Variants in KIAA0232 observed in about 807,000 individuals in gnomAD.
KIAA0232 encodes KIAA0232.
KIAA0232 carries 27 observed loss-of-function variants against 122.0 expected under a neutral mutation model. The observed-to-expected ratio is 0.22, with a 90% CI of 0.16 to 0.31. KIAA0232 has a LOEUF of 0.31. Among genes scored for constraint, KIAA0232 ranks in the 10% least tolerant of loss-of-function variants. The pLI, the probability that KIAA0232 is intolerant of heterozygous loss-of-function variation, is 1.00. For missense variants in KIAA0232, 1,551 were observed against 1,634.2 expected, an observed-to-expected ratio of 0.95 and a Z score of 0.88; for synonymous variants, 613 against 587.6, an observed-to-expected ratio of 1.04 and a Z score of -0.63.
chr4:6,797,941 C>T (rs2108905068), intron 1 of KIAA0232, among the ~76,000 whole-genome samples: 1 of 151,846 alleles, frequency 6.6e-6, no homozygotes, highest in African/African-American at 2.4e-5. Flanking sequence ...GCCTGTAGTC[C>T]CAGCTACTTG....
intron 2 of KIAA0232, among the ~76,000 whole-genome samples, chr4:6,821,670 A>G (rs1188847999): frequency 1.5e-5 from 2 of 132,078 alleles, no homozygotes; most frequent in African/African-American, 5.9e-5. Flanking sequence ...ATGTGTATAC[A>G]TATATACATG....
chr4:6,851,723 A>T lies in KIAA0232; in HGVS notation c.370-5441A>T, dbSNP rs930591031. 1.9e-3 allele frequency among the ~76,000 whole-genome samples: 127 copies of T among 65,714 alleles called. 1 individual carries two copies. Among genetic ancestry groups the T allele is most frequent in the South Asian group, 4.3e-3 (8 of 1,840 alleles). 43.1% of individuals were successfully genotyped at this position (65,714 alleles called of 152,430 possible). On this transcript the variant is annotated intron_variant, in intron 4 of 9. Transcript: ENST00000307659. Reference sequence around the variant, plus strand: ...AGAGCAAGATCCTATCTCAAAAATTAAAAAAAAAAAAAAAAAAAAGCGGGG... The same window carrying T: ...AGAGCAAGATCCTATCTCAAAAATTTAAAAAAAAAAAAAAAAAAAGCGGGG...
At chr4:6,829,782 A>G (rs779890902) in intron 3 of KIAA0232, among the ~76,000 whole-genome samples, 32 of 152,264 alleles carry the variant, frequency 2.1e-4, no homozygotes, top group African/African-American at 6.8e-4. Context: ...CAGTAACATT[A>G]TAACTTAAAA....
chr4:6,797,418 TAAG>T (rs1390431713), intron 1 of KIAA0232, among the ~76,000 whole-genome samples: 8 of 152,162 alleles, frequency 5.3e-5, no homozygotes, highest in Admixed American at 2.6e-4. Flanking sequence ...CTAAAAACTT[TAAG>T]AAGGATATGA....
rs1402998235 is a variant in KIAA0232 at position 6,871,766 on chromosome 4, T to C, written c.3910+84T>C. The C allele has an allele frequency of 8.3e-6, 7 of 840,192 alleles. No homozygotes were observed. The African/African-American group carries it at 1.0e-4, about 12-fold the overall frequency. The allele number at this position is 840,192 out of a possible 1,614,324, so 52.0% of individuals were successfully genotyped here. On this transcript the variant is annotated intron_variant, in intron 8 of 9. Coordinates refer to ENST00000307659, the MANE Select transcript of KIAA0232 (RefSeq NM_014743.3). ...TAATTTCTTTTTCTATGAATATCAGTCCAAGAAACATTTACCAAGAGGTTT... is the reference window on the plus strand; with the variant it reads ...TAATTTCTTTTTCTATGAATATCAGCCCAAGAAACATTTACCAAGAGGTTT...
chr4:6,828,695 C>T (rs540330407), intron 3 of KIAA0232, among the ~76,000 whole-genome samples: 1 of 152,286 alleles, frequency 6.6e-6, no homozygotes, highest in East Asian at 1.9e-4. Context: ...GCTGTAGTCT[C>T]CCTACCATAC....
At chr4:6,841,647 G>A (rs1719668528) in intron 3 of KIAA0232, among the ~76,000 whole-genome samples, 1 of 152,140 alleles carries the variant, frequency 6.6e-6, no homozygotes, top group Non-Finnish European at 1.5e-5. Context: ...CATATGACAT[G>A]ATCTTGTTTA....
At chr4:6,873,430 A>G (rs1377205016) in intron 8 of KIAA0232, among the ~76,000 whole-genome samples, 1 of 152,210 alleles carries the variant, frequency 6.6e-6, no homozygotes, top group African/African-American at 2.4e-5. Context: ...CAGTTAATGG[A>G]ATGAAGGTGG....
rs140179759 is a variant in KIAA0232 at position 6,790,242 on chromosome 4, T to C, written c.-354+7401T>C. Among the ~76,000 whole-genome samples the C allele has an allele frequency of 1.8e-3, 267 of 152,262 alleles. 4 individuals carry two copies. Among genetic ancestry groups the C allele is most frequent in the East Asian group, 1.5e-3 (8 of 5,182 alleles). Reference sequence around the variant, plus strand: ...TACCTGTTGCCAGGCTTTCTCCATATCTGTCTCTTCCTCAGTGTTGCCCCT... The same window carrying C: ...TACCTGTTGCCAGGCTTTCTCCATACCTGTCTCTTCCTCAGTGTTGCCCCT... On this transcript the variant is annotated intron_variant, in intron 1 of 9. Transcript: ENST00000307659.
rs1258687859 is a variant in KIAA0232, at chr4:6,861,385, T to G, written c.1003T>G (p.Ser335Ala). ...AGGGCGGAATGGGCAAAGCAGGCTT[T>G]CTTTGAAGCACGGTGAAAAGGCTGA... Reference protein sequence around the residue: ...KKGRNGQSRLSLKHGEKAERN... With the variant: ...KKGRNGQSRLALKHGEKAERN... Residue 335 changes from serine to alanine, a missense_variant, in exon 7 of 10, where the codon TCT becomes GCT. Coordinates refer to ENST00000307659, the MANE Select transcript of KIAA0232 (RefSeq NM_014743.3). The G allele has an allele frequency of 6.2e-7, 1 of 1,614,032 alleles. No homozygotes were observed. Among genetic ancestry groups the G allele is most frequent in the South Asian group, 1.1e-5 (1 of 91,088 alleles).
At chr4:6,853,780 G>C (rs1720421787) in intron 4 of KIAA0232, among the ~76,000 whole-genome samples, 1 of 152,212 alleles carries the variant, frequency 6.6e-6, no homozygotes, top group South Asian at 2.1e-4. Flanking sequence ...AGTTGAGAAG[G>C]ATGGGAAGTA....
At chr4:6,784,381 G>C (rs1244530492) in intron 1 of KIAA0232, among the ~76,000 whole-genome samples, 2 of 149,424 alleles carry the variant, frequency 1.3e-5, no homozygotes, top group Non-Finnish European at 3.0e-5. Context: ...AATAAGACCC[G>C]TTCCAGAACA....
At chr4:6,835,621 C>A (rs533711520) in intron 3 of KIAA0232, among the ~76,000 whole-genome samples, 84 of 152,292 alleles carry the variant, frequency 5.5e-4, no homozygotes, top group African/African-American at 5.5e-4. Context: ...TCCCCCAGCT[C>A]CCCGCCTCCC....
chr4:6,849,836 T>G (rs1280358366), intron 4 of KIAA0232, among the ~76,000 whole-genome samples: 1 of 151,998 alleles, frequency 6.6e-6, no homozygotes, highest in African/African-American at 2.4e-5. Flanking sequence ...CTTTGTGGTA[T>G]GAATAAGGAT....
chr4:6,790,045 T>A (rs1427914214), intron 1 of KIAA0232, among the ~76,000 whole-genome samples: 1 of 151,482 alleles, frequency 6.6e-6, no homozygotes, highest in Non-Finnish European at 1.5e-5. Context: ...AAAAAAAGAG[T>A]GGAAAATAGA....
At position 6,799,960 on chromosome 4, in the gene KIAA0232, T is replaced by C. The variant is rs569357909; in HGVS notation, c.-353-4563T>C. Among the ~76,000 whole-genome samples, 3 of 151,760 alleles carry C rather than the reference T, an allele frequency of 2.0e-5. No individual in the cohort carries two copies. In the South Asian group the frequency reaches 6.3e-4, roughly 32 times the overall value. ...CCCCCGCCTCGGCCTCCCAAAGTGC[T>C]TGGATGACAGGCATGAGCCACTCCG... On this transcript the variant is annotated intron_variant, in intron 1 of 9. Coordinates refer to ENST00000307659, the MANE Select transcript of KIAA0232 (RefSeq NM_014743.3).
intron 2 of KIAA0232, among the ~76,000 whole-genome samples, chr4:6,808,036 C>G (rs1560167282): frequency 6.6e-6 from 1 of 152,160 alleles, no homozygotes; most frequent in Non-Finnish European, 1.5e-5. Context: ...CCACTACACT[C>G]TAGCCTGGGC....
chr4:6,826,938 G>C (rs779177893), intron 3 of KIAA0232, among the ~76,000 whole-genome samples: 2 of 152,136 alleles, frequency 1.3e-5, no homozygotes, highest in Non-Finnish European at 1.5e-5. Context: ...AACTCTAGGG[G>C]GTTGTGGTCA....
At chr4:6,854,845 ATAT>A (rs1294011832) in intron 4 of KIAA0232, among the ~76,000 whole-genome samples, 1 of 152,198 alleles carries the variant, frequency 6.6e-6, no homozygotes, top group Non-Finnish European at 1.5e-5. Context: ...GGCTCTCAAA[ATAT>A]TATTGAATGG....
Sources: gnomAD v4.1 joint callset for allele counts (sites outside exome capture counted in the v4.1 genomes callset) on GRCh38, gnomAD v4.1.1 for gene constraint, MANE v1.5 for transcripts, NCBI Gene and HGNC (gene_info 2026-07-23, HGNC 2026-07-21) for gene names.